The following PTPN14 variants were observed in gnomAD, a reference collection of about 807,000 sequenced individuals.
PTPN14 encodes tyrosine-protein phosphatase non-receptor type 14.
In PTPN14, 53 loss-of-function variants were observed where a neutral mutation model predicts 126.8. The observed-to-expected ratio is 0.42, with a 90% CI of 0.34 to 0.53. The LOEUF is 0.53. Ranked by LOEUF, PTPN14 falls within the 20% of genes least tolerant of loss-of-function variation. PTPN14 has a pLI of 0.08. For missense variants in PTPN14, 1,257 were observed against 1,552.9 expected (o/e 0.81, Z 3.20); for synonymous variants, 630 against 599.3 (o/e 1.05, Z -0.75).
At chr1:214,437,523 C>T (rs1659947253) in intron 3 of PTPN14, among the ~76,000 whole-genome samples, 3 of 152,002 alleles carry the variant, frequency 2.0e-5, no homozygotes, top group African/African-American at 7.3e-5. Context: ...ATGTATTACT[C>T]ATTATATTAT....
At chr1:214,503,190 C>T (rs1156670691) in intron 1 of PTPN14, among the ~76,000 whole-genome samples, 1 of 152,138 alleles carries the variant, frequency 6.6e-6, no homozygotes, top group Non-Finnish European at 1.5e-5. Flanking sequence ...ATGGCAAACA[C>T]TATACAGTAT....
chr1:214,511,811 G>A (rs1263933434), intron 1 of PTPN14, among the ~76,000 whole-genome samples: 1 of 152,064 alleles, frequency 6.6e-6, no homozygotes, highest in African/African-American at 2.4e-5. Flanking sequence ...AACAACTTGT[G>A]GTCTATACAT....
intron 1 of PTPN14, among the ~76,000 whole-genome samples, chr1:214,481,643 T>G (rs1299394194): frequency 6.6e-6 from 1 of 152,026 alleles, no homozygotes; most frequent in Non-Finnish European, 1.5e-5. Flanking sequence ...AGAGTACTGC[T>G]GCTCTGAAGT....
intron 1 of PTPN14, among the ~76,000 whole-genome samples, chr1:214,536,603 A>G (rs1655714987): frequency 6.6e-6 from 1 of 151,732 alleles, no homozygotes. Flanking sequence ...TGCGTAACCT[A>G]GTGATACCCT....
At chr1:214,414,849 T>C in intron 3 of PTPN14, 123 bp from the exon 4 acceptor site, 1 of 728,158 alleles carries the variant, frequency 1.4e-6, no homozygotes, top group Non-Finnish European at 2.4e-6. Flanking sequence ...GTGATGCTGA[T>C]AAAGGTCATT....
chr1:214,457,023 A>T (rs1660398904), intron 2 of PTPN14, among the ~76,000 whole-genome samples: 1 of 152,232 alleles, frequency 6.6e-6, no homozygotes, highest in Admixed American at 6.5e-5. Context: ...CATTTAATTG[A>T]GTACCCCCCA....
chr1:214,418,752 C>T (rs1190602785), intron 3 of PTPN14, among the ~76,000 whole-genome samples: 1 of 152,224 alleles, frequency 6.6e-6, no homozygotes, highest in African/African-American at 2.4e-5. Context: ...GGACATGTTT[C>T]ATATTGTGGC....
At chr1:214,541,791 TG>T (rs1655843705) in intron 1 of PTPN14, among the ~76,000 whole-genome samples, 1 of 152,226 alleles carries the variant, frequency 6.6e-6, no homozygotes, top group Non-Finnish European at 1.5e-5. Context: ...TCTCAATATT[TG>T]TATGATTCGC....
chr1:214,465,600 C>G (rs1170831470), intron 1 of PTPN14, among the ~76,000 whole-genome samples: 2 of 152,056 alleles, frequency 1.3e-5, no homozygotes, highest in Non-Finnish European at 2.9e-5. Context: ...GCTTGGGCAA[C>G]AGAGTAAGAT....
chr1:214,406,632 C>T (rs1048920365), intron 5 of PTPN14, among the ~76,000 whole-genome samples: 4 of 152,088 alleles, frequency 2.6e-5, no homozygotes, highest in African/African-American at 9.7e-5. Context: ...CCAAGAATAA[C>T]AATGTCAATA....
intron 1 of PTPN14, among the ~76,000 whole-genome samples, chr1:214,542,235 G>A (rs930420401): frequency 3.9e-5 from 6 of 152,216 alleles, no homozygotes; most frequent in Admixed American, 3.9e-4. Flanking sequence ...GTGTGTGCCT[G>A]TGTATATGTG....
intron 3 of PTPN14, 29 bp downstream of exon 3, chr1:214,451,776 T>C (rs1296706028): frequency 5.0e-6 from 8 of 1,609,044 alleles, no homozygotes; most frequent in Non-Finnish European, 6.8e-6. Context: ...AACACCCTTA[T>C]ATGGCACACA....
intron 1 of PTPN14, chr1:214,532,806 G>C: frequency 2.3e-6 from 2 of 873,388 alleles, no homozygotes; most frequent in East Asian, 2.4e-5. Flanking sequence ...TCAAGGAGGA[G>C]CTGCTCTTCA....
At chr1:214,449,845 A>AT (rs755665167) in intron 3 of PTPN14, among the ~76,000 whole-genome samples, 5 of 120,526 alleles carry the variant, frequency 4.1e-5, no homozygotes, top group Non-Finnish European at 6.0e-5. Flanking sequence ...AAAAATAAAA[A>AT]TAAAAAAAAA....
At chr1:214,363,602 C>T (rs1267904743) in intron 18 of PTPN14, among the ~76,000 whole-genome samples, 1 of 152,184 alleles carries the variant, frequency 6.6e-6, no homozygotes, top group East Asian at 1.9e-4. Context: ...TGGACCCAGA[C>T]ACAGACCTTG....
intron 14 of PTPN14, 101 bp downstream of exon 14, chr1:214,377,858 T>C (rs910740972): frequency 2.2e-6 from 3 of 1,355,684 alleles, no homozygotes; most frequent in Non-Finnish European, 2.0e-6. Context: ...GAAGAAAGAA[T>C]GCATCACACA....
At chr1:214,532,617 G>A in intron 1 of PTPN14, 2 of 916,330 alleles carry the variant, frequency 2.2e-6, no homozygotes, top group African/African-American at 1.6e-5. Flanking sequence ...CAAATACTGT[G>A]GACAATGCCT....
At chr1:214,486,023 G>A (rs1349248052) in intron 1 of PTPN14, among the ~76,000 whole-genome samples, 1 of 152,128 alleles carries the variant, frequency 6.6e-6, no homozygotes, top group Non-Finnish European at 1.5e-5. Flanking sequence ...ACCGCACCCG[G>A]CCTAGTCTTT....
chr1:214,464,031 C>T (rs1394701998), intron 2 of PTPN14, among the ~76,000 whole-genome samples: 1 of 152,142 alleles, frequency 6.6e-6, no homozygotes, highest in Non-Finnish European at 1.5e-5. Flanking sequence ...GTCAGCCCTG[C>T]TTTTGCTTAA....
Sources: allele counts gnomAD v4.1 joint callset (sites outside exome capture counted in the v4.1 genomes callset), GRCh38; gene constraint gnomAD v4.1.1; transcripts MANE v1.5; gene names NCBI Gene and HGNC (gene_info 2026-07-23, HGNC 2026-07-21).